Variants in ROBO1 observed in about 807,000 individuals in gnomAD.
The protein encoded by ROBO1 is roundabout homolog 1.
In ROBO1, 149 loss-of-function variants were observed where a neutral mutation model predicts 195.9. That is an observed-to-expected ratio of 0.76 (90% CI 0.67 to 0.87). ROBO1 has a LOEUF of 0.87. Among genes scored for constraint, ROBO1 ranks in the 40% least tolerant of loss-of-function variants. The pLI is 0.00. For missense variants in ROBO1, 1,933 were observed against 2,068.3 expected, an observed-to-expected ratio of 0.93 and a Z score of 1.27; for synonymous variants, 816 against 733.2, an observed-to-expected ratio of 1.11 and a Z score of -1.82.
At chr3:78,646,279 G>T in intron 20 of ROBO1, 89 bp from the exon 21 acceptor site, 1 of 1,210,444 alleles carries the variant, frequency 8.3e-7, no homozygotes, top group Non-Finnish European at 1.2e-6. Context: ...TTCTAAAATG[G>T]AATTCCTTCT....
intron 2 of ROBO1, among the ~76,000 whole-genome samples, chr3:79,300,189 G>T (rs959736630): frequency 3.3e-5 from 5 of 152,158 alleles, no homozygotes; most frequent in Non-Finnish European, 7.4e-5. Flanking sequence ...AGGCCGAGCC[G>T]GCTCCCTCAG....
intron 2 of ROBO1, among the ~76,000 whole-genome samples, chr3:79,457,090 A>G (rs1355758361): frequency 6.6e-6 from 1 of 152,156 alleles, no homozygotes; most frequent in African/African-American, 2.4e-5. Flanking sequence ...AGACTCCAAA[A>G]CGAATGATGA....
chr3:78,866,029 C>G (rs1165463975), intron 4 of ROBO1, among the ~76,000 whole-genome samples: 1 of 152,140 alleles, frequency 6.6e-6, no homozygotes, highest in Admixed American at 6.5e-5. Flanking sequence ...CCAAATTCAA[C>G]TGTAACAAAG....
In ROBO1 at chr3:78,960,366, ATATAT is replaced by A. The variant is rs1185729512; in HGVS notation, c.173-21444_173-21440del. 4.7e-5 allele frequency among the ~76,000 whole-genome samples: 7 copies of A among 149,330 alleles called. No individual in the cohort carries two copies. In the South Asian group the frequency reaches 1.3e-3, roughly 27 times the overall value. ...GCAATATATATTTTATAATATATTA[ATATAT>A]TATATAGCAATATGTATTTGTAATA... On this transcript the variant is annotated intron_variant, in intron 3 of 30. Transcript: ENST00000464233.
intron 3 of ROBO1, chr3:79,019,476 C>T (rs1474654662): frequency 1.9e-4 from 192 of 986,256 alleles, no homozygotes; most frequent in Middle Eastern, 5.2e-4. Flanking sequence ...GGGTTTCCCC[C>T]ACAGTCCCCG....
At chr3:78,661,770 G>A (rs1031850229) in intron 15 of ROBO1, among the ~76,000 whole-genome samples, 3 of 152,128 alleles carry the variant, frequency 2.0e-5, no homozygotes, top group African/African-American at 7.2e-5. Flanking sequence ...TTTCTTTCCT[G>A]AGACAGGTCA....
At chr3:78,962,021 A>G (rs2041377549) in intron 3 of ROBO1, among the ~76,000 whole-genome samples, 1 of 152,078 alleles carries the variant, frequency 6.6e-6, no homozygotes. Flanking sequence ...AGCATGTTAA[A>G]GCTGGAAAAA....
chr3:79,007,229 G>C (rs983383272), intron 3 of ROBO1, among the ~76,000 whole-genome samples: 5 of 152,206 alleles, frequency 3.3e-5, no homozygotes, highest in Non-Finnish European at 7.3e-5. Flanking sequence ...ACCTTGGGTA[G>C]CTTTGGAGGA....
chr3:79,066,353 T>G (rs1429191391), intron 3 of ROBO1, among the ~76,000 whole-genome samples: 2 of 151,946 alleles, frequency 1.3e-5, no homozygotes, highest in Non-Finnish European at 2.9e-5. Context: ...TGATCTAGGT[T>G]ACATGGATGT....
intron 2 of ROBO1, among the ~76,000 whole-genome samples, chr3:79,381,536 G>A (rs1395056513): frequency 6.6e-6 from 1 of 151,822 alleles, no homozygotes; most frequent in East Asian, 1.9e-4. Flanking sequence ...TTCCATCCCT[G>A]TAAACTGTTG....
chr3:78,721,282 T>C (rs572500316), intron 5 of ROBO1, among the ~76,000 whole-genome samples: 1 of 152,192 alleles, frequency 6.6e-6, no homozygotes, highest in Non-Finnish European at 1.5e-5. Flanking sequence ...TTGTAACCTT[T>C]CATGCGCTGA....
At chr3:79,721,048 T>C (rs1702680671) in intron 1 of ROBO1, among the ~76,000 whole-genome samples, 1 of 152,178 alleles carries the variant, frequency 6.6e-6, no homozygotes, top group Admixed American at 6.5e-5. Flanking sequence ...CGCCTTGGCC[T>C]CCCAAAGTGC....
chr3:79,468,488 A>G (rs2107304761), intron 2 of ROBO1, among the ~76,000 whole-genome samples: 1 of 152,278 alleles, frequency 6.6e-6, no homozygotes, highest in Non-Finnish European at 1.5e-5. Flanking sequence ...TAGTAATTAA[A>G]TATGTTAATT....
At chr3:79,356,178 T>C (rs144547268) in intron 2 of ROBO1, among the ~76,000 whole-genome samples, 2,342 of 152,098 alleles carry the variant, frequency 0.015, 36 homozygotes, top group Non-Finnish European at 0.026. Flanking sequence ...CTTTCTCTAA[T>C]AAAAATACAA....
chr3:78,683,129 T>TA (rs905700915), intron 10 of ROBO1, among the ~76,000 whole-genome samples: 62 of 150,104 alleles, frequency 4.1e-4, no homozygotes, highest in Non-Finnish European at 8.3e-4. Flanking sequence ...GTTTTGTAGA[T>TA]ACACACACAC....
intron 28 of ROBO1, among the ~76,000 whole-genome samples, chr3:78,608,020 T>TACACACACACACACACACACACACAC (rs56715450): frequency 4.0e-5 from 6 of 149,764 alleles, no homozygotes; most frequent in African/African-American, 1.5e-4. Context: ...TAATTTCATT[T>TACACACACACACACACACACACACAC]ACACACACAC....
At chr3:79,112,563 T>G (rs2108536785) in intron 3 of ROBO1, among the ~76,000 whole-genome samples, 1 of 152,302 alleles carries the variant, frequency 6.6e-6, no homozygotes, top group East Asian at 1.9e-4. Context: ...AGAATTCAAA[T>G]ACCTGTGATT....
chr3:79,351,468 G>A (rs903262738), intron 2 of ROBO1, among the ~76,000 whole-genome samples: 5 of 152,004 alleles, frequency 3.3e-5, no homozygotes, highest in Non-Finnish European at 4.4e-5. Context: ...TCCTCGATTA[G>A]CAAAGTCATT....
chr3:78,942,922 A>T (rs961848078), intron 3 of ROBO1, among the ~76,000 whole-genome samples: 5 of 146,958 alleles, frequency 3.4e-5, no homozygotes, highest in African/African-American at 1.0e-4. Context: ...TAAAAAGTTT[A>T]TTTTTTTTTT....
Sources: allele counts gnomAD v4.1 joint callset (sites outside exome capture counted in the v4.1 genomes callset), GRCh38; gene constraint gnomAD v4.1.1; transcripts MANE v1.5; gene names NCBI Gene and HGNC (gene_info 2026-07-23, HGNC 2026-07-21).